SLCO5A1: variants seen among roughly 807,000 people sequenced by gnomAD.
SLCO5A1 encodes solute carrier organic anion transporter family member 5A1.
Under a neutral mutation model 65.1 loss-of-function variants are expected in SLCO5A1, and 39 were observed. The observed-to-expected ratio is 0.60, with a 90% CI of 0.46 to 0.78. The LOEUF is 0.78. Ranked by LOEUF, SLCO5A1 falls within the 30% of genes least tolerant of loss-of-function variation. The pLI is 0.00. For missense variants in SLCO5A1, 1,029 were observed against 1,069.4 expected (o/e 0.96, Z 0.53); for synonymous variants, 438 against 415.7 (o/e 1.05, Z -0.65).
chr8:69,824,044 T>C (rs1407533916), intron 2 of SLCO5A1, among the ~76,000 whole-genome samples: 10 of 152,070 alleles, frequency 6.6e-5, no homozygotes, highest in Admixed American at 6.6e-4. Context: ...CATAACTAAA[T>C]GAAGGCAGAA....
intron 5 of SLCO5A1, among the ~76,000 whole-genome samples, chr8:69,735,206 T>G (rs938442471): frequency 6.6e-6 from 1 of 152,178 alleles, no homozygotes; most frequent in Non-Finnish European, 1.5e-5. Flanking sequence ...ATAGGAACGC[T>G]TTTACACTGT....
At chr8:69,812,764 T>C (rs1017904097) in intron 2 of SLCO5A1, among the ~76,000 whole-genome samples, 3 of 152,240 alleles carry the variant, frequency 2.0e-5, no homozygotes, top group Non-Finnish European at 4.4e-5. Flanking sequence ...AACTAATTTC[T>C]TTTGAGAGTT....
At chr8:69,802,199 A>G (rs934550511) in intron 2 of SLCO5A1, among the ~76,000 whole-genome samples, 3 of 152,142 alleles carry the variant, frequency 2.0e-5, no homozygotes, top group African/African-American at 7.2e-5. Flanking sequence ...AAATTCTTCA[A>G]TAAAGAAAAA....
At chr8:69,766,509 T>TG (rs1818064206) in intron 2 of SLCO5A1, among the ~76,000 whole-genome samples, 2 of 151,418 alleles carry the variant, frequency 1.3e-5, no homozygotes, top group African/African-American at 4.9e-5. Flanking sequence ...ATGTGTGTGT[T>TG]TGTGTGTGTG....
chr8:69,806,047 A>C (rs1819976718), intron 2 of SLCO5A1, among the ~76,000 whole-genome samples: 1 of 152,226 alleles, frequency 6.6e-6, no homozygotes, highest in Non-Finnish European at 1.5e-5. Flanking sequence ...GCCTGACCAC[A>C]GTACTACTAA....
intron 2 of SLCO5A1, among the ~76,000 whole-genome samples, chr8:69,811,640 G>T (rs529359490): frequency 1.3e-5 from 2 of 152,180 alleles, no homozygotes; most frequent in Non-Finnish European, 1.5e-5. Context: ...CAGGCAACCC[G>T]CTCAGAAAAG....
chr8:69,703,444 G>A (rs1044828938), intron 6 of SLCO5A1, among the ~76,000 whole-genome samples: 3 of 152,192 alleles, frequency 2.0e-5, no homozygotes, highest in African/African-American at 4.8e-5. Context: ...TACTTGGGAG[G>A]CTGAGACAGG....
At chr8:69,799,186 C>G (rs1373569327) in intron 2 of SLCO5A1, among the ~76,000 whole-genome samples, 1 of 152,102 alleles carries the variant, frequency 6.6e-6, no homozygotes, top group Non-Finnish European at 1.5e-5. Context: ...TTATATTTTA[C>G]AAGTATTACG....
At chr8:69,750,262 CA>C (rs1419232664) in intron 4 of SLCO5A1, among the ~76,000 whole-genome samples, 1 of 152,086 alleles carries the variant, frequency 6.6e-6, no homozygotes, top group Non-Finnish European at 1.5e-5. Flanking sequence ...AGGGTCGATG[CA>C]GCAGGGCCAG....
chr8:69,745,006 C>T (rs1816960221), intron 4 of SLCO5A1, among the ~76,000 whole-genome samples: 1 of 152,090 alleles, frequency 6.6e-6, no homozygotes, highest in African/African-American at 2.4e-5. Flanking sequence ...AGAAAATATA[C>T]AATATTGTCC....
At chr8:69,795,002 C>T (rs1344304788) in intron 2 of SLCO5A1, among the ~76,000 whole-genome samples, 1 of 152,202 alleles carries the variant, frequency 6.6e-6, no homozygotes. Flanking sequence ...ATCATGAGAA[C>T]AGCACTGAGG....
intron 4 of SLCO5A1, among the ~76,000 whole-genome samples, chr8:69,754,533 T>C (rs2130858162): frequency 6.6e-6 from 1 of 152,278 alleles, no homozygotes; most frequent in African/African-American, 2.4e-5. Flanking sequence ...CTGATGAAAG[T>C]ACTTGATAAA....
chr8:69,772,588 G>A (rs1684700276), intron 2 of SLCO5A1, among the ~76,000 whole-genome samples: 1 of 120,606 alleles, frequency 8.3e-6, no homozygotes, highest in African/African-American at 3.3e-5. Flanking sequence ...GGAAAGGAAA[G>A]GAAAGGAAAG....
In SLCO5A1 at chr8:69,705,270, A is replaced by G. The variant is rs746810303; in HGVS notation, c.1424-41T>C. The G allele has an allele frequency of 2.8e-5, 45 of 1,583,754 alleles. No homozygotes were observed. The South Asian group carries it at 4.5e-4, about 16-fold the overall frequency. On this transcript the variant is annotated intron_variant, in intron 5 of 9. Transcript: ENST00000260126. ...GGAGAGGATTAATTTGAACTCATGT[A>G]CACTATTATTCATCTTATCTATTCT...
chr8:69,798,171 C>T (rs1183049034), intron 2 of SLCO5A1, among the ~76,000 whole-genome samples: 1 of 152,118 alleles, frequency 6.6e-6, no homozygotes, highest in African/African-American at 2.4e-5. Flanking sequence ...CTCCCAATAC[C>T]TGTCTTATTC....
At position 69,810,944 on chromosome 8, in the gene SLCO5A1, C is replaced by T. The variant is rs115154380; in HGVS notation, c.907+20823G>A. Among the ~76,000 whole-genome samples the T allele has an allele frequency of 1.9e-3, 289 of 152,260 alleles. 1 individual carries two copies. The highest frequency in any genetic ancestry group is 6.5e-3 in the African/African-American group (268 of 41,544). ...ACACAGACATTCACATGCACACCCA[C>T]GAACACAGACTGTGCCTCTATGAGA... is the stretch of plus-strand genomic sequence containing the variant. On this transcript the variant is annotated intron_variant, in intron 2 of 9. Transcript: ENST00000260126.
chr8:69,679,399 G>A lies in SLCO5A1; in HGVS notation c.2003C>T (p.Ser668Leu). 1 of 1,614,212 alleles carries A rather than the reference G, an allele frequency of 6.2e-7. No individual in the cohort carries two copies. The highest frequency in any genetic ancestry group is 8.5e-7 in the Non-Finnish European group (1 of 1,180,032). Residue 668 changes from serine to leucine, a missense_variant, in exon 8 of 10, where the codon TCA (serine) becomes TTA (leucine). Ser to Leu is a moderately radical substitution (Grantham distance 145). Transcript: ENST00000260126. ...TCACCTGAGTGTTACTATGATAGCT[G>A]ATGGTTGGGCACATGCTGTGATGAA... ...VTFITACAQPSAIIVTLRSVE... is the reference protein window; with the variant it reads ...VTFITACAQPLAIIVTLRSVE...
chr8:69,686,231 C>CAAAAAAAAAAAAAAAAA (rs3060023), intron 6 of SLCO5A1, among the ~76,000 whole-genome samples: 31 of 141,662 alleles, frequency 2.2e-4, no homozygotes, highest in African/African-American at 5.3e-4. Context: ...CTTCACACAG[C>CAAAAAAAAAAAAAAAAA]AAAAAAAAGA....
intron 2 of SLCO5A1, among the ~76,000 whole-genome samples, chr8:69,767,400 CA>C (rs1383461218): frequency 2.0e-5 from 3 of 152,174 alleles, no homozygotes; most frequent in Non-Finnish European, 4.4e-5. Context: ...GCACAGACTC[CA>C]AAATCATGTG....
Sources: allele counts gnomAD v4.1 joint callset (sites outside exome capture counted in the v4.1 genomes callset), GRCh38; gene constraint gnomAD v4.1.1; transcripts MANE v1.5; gene names NCBI Gene and HGNC (gene_info 2026-07-23, HGNC 2026-07-21).